The following KHDRBS3 variants were observed in gnomAD, a reference collection of about 807,000 sequenced individuals.
KHDRBS3 encodes the protein KH domain-containing, RNA-binding, signal transduction-associated protein 3.
Under a neutral mutation model 45.6 loss-of-function variants are expected in KHDRBS3, and 23 were observed. The observed-to-expected ratio is 0.50, with a 90% CI of 0.36 to 0.72. KHDRBS3 has a LOEUF of 0.72. Ranked by LOEUF, KHDRBS3 falls within the 30% of genes least tolerant of loss-of-function variation. The pLI is 0.00. For missense variants in KHDRBS3, 352 were observed against 424.8 expected, an observed-to-expected ratio of 0.83 and a Z score of 1.51; for synonymous variants, 162 against 156.5, an observed-to-expected ratio of 1.04 and a Z score of -0.26.
chr8:135,568,855 C>T (rs1827557962), intron 5 of KHDRBS3, among the ~76,000 whole-genome samples: 1 of 152,210 alleles, frequency 6.6e-6, no homozygotes. Flanking sequence ...CTGTGCTCTG[C>T]TCTTGCCTCC....
At chr8:135,525,915 T>C (rs1340764991) in intron 2 of KHDRBS3, among the ~76,000 whole-genome samples, 2 of 152,192 alleles carry the variant, frequency 1.3e-5, no homozygotes, top group Non-Finnish European at 2.9e-5. Context: ...ATGTGCTGCA[T>C]AGTGATTTCA....
chr8:135,493,398 A>G (rs753260092), intron 1 of KHDRBS3, among the ~76,000 whole-genome samples: 1 of 152,182 alleles, frequency 6.6e-6, no homozygotes, highest in East Asian at 1.9e-4. Flanking sequence ...AAAATCATCC[A>G]ATCTTTCATC....
rs534343077 is a variant in KHDRBS3 at position 135,596,459 on chromosome 8, C to T, written c.808-10496C>T. Reference sequence around the variant, plus strand: ...CAGAGAATGCACTGATGGTCAGCTTCCAATCATAGCAGTCCTTTGTGGGAC... The same window carrying T: ...CAGAGAATGCACTGATGGTCAGCTTTCAATCATAGCAGTCCTTTGTGGGAC... On this transcript the variant is annotated intron_variant, in intron 6 of 8. Transcript: ENST00000355849. 2.6e-5 allele frequency among the ~76,000 whole-genome samples: 4 copies of T among 152,302 alleles called. No homozygotes were observed. The South Asian group carries it at 8.3e-4, about 32-fold the overall frequency.
intron 7 of KHDRBS3, among the ~76,000 whole-genome samples, chr8:135,624,234 C>T (rs1360458561): frequency 6.6e-6 from 1 of 152,162 alleles, no homozygotes. Context: ...GCTTTACTTC[C>T]AGCTCTAAGC....
At chr8:135,527,711 T>A (rs1183868466) in intron 2 of KHDRBS3, among the ~76,000 whole-genome samples, 3 of 152,236 alleles carry the variant, frequency 2.0e-5, no homozygotes. Context: ...AAATACGTTA[T>A]ATCTCTATGT....
chr8:135,650,216 G>A (rs146639587), downstream of KHDRBS3, among the ~76,000 whole-genome samples: 6 of 152,206 alleles, frequency 3.9e-5, no homozygotes, highest in South Asian at 2.1e-4. Context: ...CCGCAAAACC[G>A]AATGGAGGTG....
chr8:135,549,555 C>G (rs138320485), intron 4 of KHDRBS3: 1 of 152,162 alleles, frequency 6.6e-6, no homozygotes, highest in African/African-American at 2.4e-5. Flanking sequence ...ACCTCTGTTA[C>G]GAAAGTTGAT....
At chr8:135,566,520 G>A (rs1225598728) in intron 5 of KHDRBS3, among the ~76,000 whole-genome samples, 2 of 152,160 alleles carry the variant, frequency 1.3e-5, no homozygotes, top group Non-Finnish European at 2.9e-5. Flanking sequence ...TGAAAGAAAT[G>A]CCGAGATAGA....
At chr8:135,569,199 A>G (rs1234907857) in intron 5 of KHDRBS3, among the ~76,000 whole-genome samples, 1 of 152,230 alleles carries the variant, frequency 6.6e-6, no homozygotes, top group African/African-American at 2.4e-5. Context: ...TCTGAAATTC[A>G]TAAATTATTT....
chr8:135,614,708 A>G (rs76042894), intron 7 of KHDRBS3, among the ~76,000 whole-genome samples: 8,804 of 149,100 alleles, frequency 0.059, 357 homozygotes, highest in Non-Finnish European at 0.086. Flanking sequence ...ATGGTAAGGG[A>G]AAAAAAAACA....
chr8:135,612,596 C>G (rs1413484876), intron 7 of KHDRBS3, among the ~76,000 whole-genome samples: 1 of 151,806 alleles, frequency 6.6e-6, no homozygotes, highest in Admixed American at 6.6e-5. Context: ...AGATTTCATA[C>G]GTAAATAGTT....
At chr8:135,656,408 A>T (rs1831532622) in exon 5 of KHDRBS3, 1 of 152,188 alleles carries the variant, frequency 6.6e-6, no homozygotes, top group Admixed American at 6.5e-5. Flanking sequence ...TACTTTTTTA[A>T]AAAACGGAAA....
At chr8:135,585,132 G>A (rs950777827) in intron 6 of KHDRBS3, among the ~76,000 whole-genome samples, 15 of 151,402 alleles carry the variant, frequency 9.9e-5, no homozygotes, top group Non-Finnish European at 2.9e-5. Flanking sequence ...AGGAGGCTGA[G>A]GTGGGAGAAT....
intron 7 of KHDRBS3, among the ~76,000 whole-genome samples, chr8:135,614,456 A>G (rs191999046): frequency 3.6e-4 from 55 of 151,994 alleles, no homozygotes; most frequent in Middle Eastern, 3.4e-3. Context: ...AATAACTATC[A>G]TAATATTTTT....
At chr8:135,624,556 C>T (rs1304112309) in intron 7 of KHDRBS3, among the ~76,000 whole-genome samples, 3 of 152,216 alleles carry the variant, frequency 2.0e-5, no homozygotes, top group Non-Finnish European at 2.9e-5. Flanking sequence ...AATGATGCCG[C>T]TTGCTTTTTA....
At chr8:135,598,477 A>G (rs919983826) in intron 6 of KHDRBS3, among the ~76,000 whole-genome samples, 2 of 152,210 alleles carry the variant, frequency 1.3e-5, no homozygotes, top group African/African-American at 4.8e-5. Context: ...GAACATAGTC[A>G]TCAGACTCCA....
At chr8:135,635,123 TTATC>T (rs1449116012) in intron 7 of KHDRBS3, among the ~76,000 whole-genome samples, 18 of 152,340 alleles carry the variant, frequency 1.2e-4, no homozygotes, top group African/African-American at 4.1e-4. Context: ...TTTAAAAAAT[TTATC>T]AATCATTAAA....
intron 1 of KHDRBS3, among the ~76,000 whole-genome samples, chr8:135,463,799 G>T (rs1278605884): frequency 6.6e-6 from 1 of 152,136 alleles, no homozygotes; most frequent in Admixed American, 6.6e-5. Flanking sequence ...AGCCCCATTT[G>T]CCTGTTGTCA....
Position 135,521,259 on chromosome 8 carries a change from A to G in KHDRBS3, c.111A>G (p.Gly37=), listed in dbSNP as rs777650152. Residue 37 remains glycine (G), a synonymous_variant, in exon 2 of 9, where the codon GGA becomes GGG. Coordinates refer to ENST00000355849, the MANE Select transcript of KHDRBS3 (RefSeq NM_006558.3). ...VNQEIEKFQK[G]EGKDEEKYID... ...CAGAAATAGAAAAGTTTCAAAAAGG[A>G]GAAGGCAAGGATGAAGAAAAGTACA... 7 of 1,611,774 alleles carry G rather than the reference A, an allele frequency of 4.3e-6. No individual in the cohort carries two copies. The highest frequency in any genetic ancestry group is 2.7e-5 in the African/African-American group (2 of 74,870).
Sources: gnomAD v4.1 joint callset for allele counts (sites outside exome capture counted in the v4.1 genomes callset) on GRCh38, gnomAD v4.1.1 for gene constraint, MANE v1.5 for transcripts, NCBI Gene and HGNC (gene_info 2026-07-23, HGNC 2026-07-21) for gene names.